KCNMA1: variants seen among roughly 807,000 people sequenced by gnomAD.
KCNMA1 encodes the protein Calcium-activated potassium channel subunit alpha-1.
KCNMA1 carries 29 observed loss-of-function variants against 140.0 expected under a neutral mutation model. The ratio of observed to expected loss-of-function variants is 0.21; its 90% confidence interval spans 0.15 to 0.28. The LOEUF (loss-of-function observed/expected upper bound fraction) is 0.28. KCNMA1 is among the 10% of genes least tolerant of loss of function. The pLI is 1.00. For missense variants in KCNMA1, 880 were observed against 1,602.2 expected, an observed-to-expected ratio of 0.55 and a Z score of 7.70; for synonymous variants, 612 against 611.9, an observed-to-expected ratio of 1.00 and a Z score of 0.00.
chr10:77,587,631 C>G (rs1228521852), intron 1 of KCNMA1: 2 of 884,758 alleles, frequency 2.3e-6, no homozygotes, highest in East Asian at 2.4e-4. Flanking sequence ...GCTGCGGGCC[C>G]CTGAGTGTCC....
chr10:77,397,593 T>C (rs2096103207), intron 2 of KCNMA1, among the ~76,000 whole-genome samples: 1 of 152,234 alleles, frequency 6.6e-6, no homozygotes, highest in African/African-American at 2.4e-5. Flanking sequence ...TCAACTGTTT[T>C]CTCTACCCCC....
chr10:76,891,569 C>G lies in KCNMA1; in HGVS notation c.3298G>C (p.Val1100Leu). 1 of 1,613,844 alleles carries G rather than the reference C, an allele frequency of 6.2e-7. No homozygotes were observed. Among genetic ancestry groups the G allele is most frequent in the Non-Finnish European group, 8.5e-7 (1 of 1,180,002 alleles). The change falls in exon 26 of 28, where the codon GTG (valine) becomes CTG (leucine). Residue 1100 changes from valine to leucine, a missense_variant. Val to Leu is a conservative substitution (Grantham distance 32). Transcript: ENST00000286628. ...CCATCGAGCAGAGCTAACTGGGCCA[C>G]GCGGCAGCGGTCCCTATTGGCCAGT... is the stretch of plus-strand genomic sequence containing the variant. ...QTLANRDRCR[V>L]AQLALLDGPF...
intron 22 of KCNMA1, among the ~76,000 whole-genome samples, chr10:76,947,813 G>A (rs942109378): frequency 2.6e-5 from 4 of 152,192 alleles, no homozygotes; most frequent in Non-Finnish European, 5.9e-5. Context: ...GGCATCTAAT[G>A]AGTAACATGT....
At chr10:77,201,595 G>C (rs1230812618) in intron 3 of KCNMA1, among the ~76,000 whole-genome samples, 1 of 152,078 alleles carries the variant, frequency 6.6e-6, no homozygotes, top group Non-Finnish European at 1.5e-5. Context: ...CTAAGTGCTG[G>C]GATTACAGGC....
At position 76,970,201 on chromosome 10, in the gene KCNMA1, T is replaced by A; in HGVS notation, c.2267-134A>T. ...TTCATGGCTGTCTTTTAGGACCCAATGACAAAGACCAAATGTGTTAGTCAA... is the reference window on the plus strand; with the variant it reads ...TTCATGGCTGTCTTTTAGGACCCAAAGACAAAGACCAAATGTGTTAGTCAA... On this transcript the variant is annotated intron_variant, in intron 19 of 27. Coordinates refer to ENST00000286628, the MANE Select transcript of KCNMA1 (RefSeq NM_001161352.2). 4 of 742,424 alleles carry A rather than the reference T, an allele frequency of 5.4e-6. No homozygotes were observed. In the South Asian group the frequency reaches 5.8e-5, roughly 11 times the overall value. The allele number at this position is 742,424 out of a possible 1,614,324, so 46.0% of individuals were successfully genotyped here.
intron 1 of KCNMA1, among the ~76,000 whole-genome samples, chr10:77,487,871 C>T (rs2098479385): frequency 6.6e-6 from 1 of 152,168 alleles, no homozygotes; most frequent in African/African-American, 2.4e-5. Context: ...TACCCCAGAA[C>T]TACAAAGTCA....
intron 1 of KCNMA1, among the ~76,000 whole-genome samples, chr10:77,557,793 G>A (rs1404042673): frequency 6.6e-6 from 1 of 151,884 alleles, no homozygotes; most frequent in Non-Finnish European, 1.5e-5. Flanking sequence ...AGGATTACAG[G>A]TGCCCGCCAC....
intron 3 of KCNMA1, chr10:77,250,447 G>A (rs200201161): frequency 6.6e-6 from 1 of 152,384 alleles, no homozygotes; most frequent in Non-Finnish European, 1.5e-5. Context: ...GGCACCTGCA[G>A]GAATCAGGGC....
intron 1 of KCNMA1, among the ~76,000 whole-genome samples, chr10:77,608,581 G>A (rs2673427): frequency 0.22 from 33,527 of 151,968 alleles, 3,990 homozygotes; most frequent in African/African-American, 0.27. Context: ...CACACTCCAG[G>A]CTGAAGTGTG....
chr10:77,592,875 G>A (rs779032566), intron 1 of KCNMA1, among the ~76,000 whole-genome samples: 1 of 152,190 alleles, frequency 6.6e-6, no homozygotes, highest in African/African-American at 2.4e-5. Context: ...TGAGCCCCTG[G>A]AGTGGACAGT....
At chr10:77,598,214 G>A (rs550332791) in intron 1 of KCNMA1, among the ~76,000 whole-genome samples, 23 of 152,142 alleles carry the variant, frequency 1.5e-4, no homozygotes, top group African/African-American at 4.1e-4. Flanking sequence ...CAAGTGATCC[G>A]CCCACCTTGG....
chr10:77,271,795 T>A (rs923812446), intron 2 of KCNMA1, among the ~76,000 whole-genome samples: 1 of 152,146 alleles, frequency 6.6e-6, no homozygotes, highest in Non-Finnish European at 1.5e-5. Flanking sequence ...TTGATTCACC[T>A]GAGCCTTACC....
intron 2 of KCNMA1, among the ~76,000 whole-genome samples, chr10:77,377,794 A>G (rs959193202): frequency 1.3e-5 from 2 of 152,212 alleles, no homozygotes; most frequent in African/African-American, 4.8e-5. Context: ...AACCCTCAGC[A>G]AGTCATTCAT....
At chr10:77,564,976 A>G (rs1363779874) in intron 1 of KCNMA1, among the ~76,000 whole-genome samples, 1 of 152,214 alleles carries the variant, frequency 6.6e-6, no homozygotes, top group Non-Finnish European at 1.5e-5. Flanking sequence ...GGGGTGAAGG[A>G]AAGCTGGCAG....
chr10:77,265,030 T>C (rs1416125597), intron 2 of KCNMA1, among the ~76,000 whole-genome samples: 1 of 152,016 alleles, frequency 6.6e-6, no homozygotes, highest in Non-Finnish European at 1.5e-5. Flanking sequence ...AGAAGCCAGA[T>C]GATGTTCATA....
intron 9 of KCNMA1, among the ~76,000 whole-genome samples, chr10:77,095,625 C>T (rs2096912818): frequency 6.6e-6 from 1 of 152,130 alleles, no homozygotes. Flanking sequence ...CATAAATTCG[C>T]CAGTTGCTTA....
At chr10:77,467,002 A>G (rs2098035560) in intron 1 of KCNMA1, among the ~76,000 whole-genome samples, 1 of 152,200 alleles carries the variant, frequency 6.6e-6, no homozygotes, top group African/African-American at 2.4e-5. Context: ...GAAAAAAGAA[A>G]GCCAGACCCC....
chr10:77,491,693 G>A (rs2039915533), intron 1 of KCNMA1, among the ~76,000 whole-genome samples: 1 of 148,288 alleles, frequency 6.7e-6, no homozygotes, highest in African/African-American at 2.5e-5. Context: ...TCACCCTGGG[G>A]GGAAATGGGT....
rs2096374065 is a variant in KCNMA1, at chr10:77,403,978, G to A, written c.424C>T (p.Leu142Phe). ...TCCTCTTTTTCATCCACTGGTTTGA[G>A]AGTGCCATCCGCCTGGCTTGAGCCA... ...NNGSSQADGT[L>F]KPVDEKEEAV... Residue 142 changes from leucine to phenylalanine, a missense_variant, in exon 2 of 28, where the codon CTC (leucine) becomes TTC (phenylalanine). Physicochemically the swap from Leu to Phe is conservative, Grantham distance 22. Transcript: ENST00000286628. 1 of 1,614,066 alleles carries A rather than the reference G, an allele frequency of 6.2e-7. No homozygotes were observed. Among genetic ancestry groups the A allele is most frequent in the Admixed American group, 1.7e-5 (1 of 60,002 alleles).
Sources: gnomAD v4.1 joint callset for allele counts (sites outside exome capture counted in the v4.1 genomes callset) on GRCh38, gnomAD v4.1.1 for gene constraint, MANE v1.5 for transcripts, NCBI Gene and HGNC (gene_info 2026-07-23, HGNC 2026-07-21) for gene names.